The following NVL variants were observed in gnomAD, a reference collection of about 807,000 sequenced individuals.
The protein encoded by NVL is nuclear valosin-containing protein-like.
NVL carries 84 observed loss-of-function variants against 110.2 expected under a neutral mutation model. The ratio of observed to expected loss-of-function variants is 0.76; its 90% CI spans 0.64 to 0.91. NVL has a LOEUF of 0.91. NVL is among the 40% of genes least tolerant of loss of function. The pLI is 0.00. For missense variants in NVL, 882 were observed against 1,035.9 expected (o/e 0.85, Z 2.04); for synonymous variants, 354 against 361.1 (o/e 0.98, Z 0.22).
chr1:224,303,964 C>T (rs1668664546), intron 8 of NVL, 107 bp from the exon 9 acceptor site: 2 of 1,237,154 alleles, frequency 1.6e-6, no homozygotes, highest in East Asian at 2.7e-5. Flanking sequence ...GTAGAATATA[C>T]ACCTTAGACT....
chr1:224,326,391 CT>C lies in NVL; in HGVS notation c.130del (p.Ser44ValfsTer2). On this transcript the variant is annotated frameshift_variant and splice_region_variant, in exon 2 of 23. Coordinates refer to ENST00000281701, the MANE Select transcript of NVL (RefSeq NM_002533.4). LOFTEE classifies it high-confidence loss of function. ...VLASDLQRVY[S>X]IDYGRRKRNA... ...GGATCCGGAAACTATATTTATTTAC[CT>C]GTACACTCTTTGTAAATCAGACGCT... is the stretch of plus-strand genomic sequence containing the variant. 2 of 1,603,822 alleles carry C rather than the reference CT, an allele frequency of 1.2e-6. No individual in the cohort carries two copies. Among genetic ancestry groups the C allele is most frequent in the Non-Finnish European group, 1.7e-6 (2 of 1,172,718 alleles).
At chr1:224,251,201 G>T (rs1304301999) in intron 18 of NVL, among the ~76,000 whole-genome samples, 1 of 146,008 alleles carries the variant, frequency 6.8e-6, no homozygotes, top group Non-Finnish European at 1.5e-5. Context: ...TTGAGCCTGG[G>T]AGATGGAGGT....
intron 18 of NVL, 30 bp from the exon 19 acceptor site, chr1:224,250,348 A>T: frequency 6.6e-7 from 1 of 1,511,914 alleles, no homozygotes; most frequent in Non-Finnish European, 8.8e-7. Context: ...AAAAGTCTTA[A>T]ATAAAACCTT....
intron 18 of NVL, among the ~76,000 whole-genome samples, chr1:224,254,942 G>A (rs1005448941): frequency 1.4e-5 from 2 of 145,660 alleles, no homozygotes; most frequent in African/African-American, 5.1e-5. Flanking sequence ...GCATGACCTT[G>A]GCTCACTGAA....
intron 19 of NVL, among the ~76,000 whole-genome samples, chr1:224,249,001 G>A (rs1662168824): frequency 6.6e-6 from 1 of 152,160 alleles, no homozygotes; most frequent in South Asian, 2.1e-4. Context: ...ATCCCCAGAA[G>A]GATTAACACC....
intron 4 of NVL, among the ~76,000 whole-genome samples, chr1:224,317,224 T>G (rs886798365): frequency 1.3e-5 from 2 of 152,094 alleles, no homozygotes; most frequent in African/African-American, 4.8e-5. Flanking sequence ...ATACTATTTC[T>G]TAAACAAAAT....
At chr1:224,268,887 G>C (rs1358154380) in intron 17 of NVL, among the ~76,000 whole-genome samples, 3 of 151,892 alleles carry the variant, frequency 2.0e-5, no homozygotes, top group Non-Finnish European at 2.9e-5. Flanking sequence ...TCAAACTCCT[G>C]ACTTCAGGTG....
Position 224,324,732 on chromosome 1 carries a change from G to T in NVL, c.131+1659C>A, listed in dbSNP as rs921417873. Among the ~76,000 whole-genome samples, 14 of 152,286 alleles carry T rather than the reference G, an allele frequency of 9.2e-5. No individual in the cohort carries two copies. In the East Asian group the frequency reaches 2.5e-3, roughly 27 times the overall value. On this transcript the variant is annotated intron_variant, in intron 2 of 22. Transcript: ENST00000281701. ...GAGTCCTTGCATCTGGCCTGATTTA[G>T]ATGATATTGAGATGAGAGTTTGGAC...
chr1:224,289,756 A>C, intron 12 of NVL, 23 bp from the exon 13 acceptor site: 1 of 1,589,188 alleles, frequency 6.3e-7, no homozygotes, highest in Non-Finnish European at 8.6e-7. Context: ...CAGGGGAAAA[A>C]ATTTCTGATT....
At chr1:224,305,579 CAG>C (rs1429784479) in intron 6 of NVL, 19 of 161,006 alleles carry the variant, frequency 1.2e-4, no homozygotes, top group Middle Eastern at 3.2e-3. Flanking sequence ...TGTTTTGAGA[CAG>C]AGTTTCAGTC....
At chr1:224,273,417 G>T (rs996440846) in intron 17 of NVL, among the ~76,000 whole-genome samples, 2 of 114,186 alleles carry the variant, frequency 1.8e-5, no homozygotes, top group Non-Finnish European at 3.9e-5. Flanking sequence ...TCTCTCAAAA[G>T]AAAAAAAAAA....
At chr1:224,300,282 T>C (rs1668273029) in intron 10 of NVL, among the ~76,000 whole-genome samples, 1 of 152,124 alleles carries the variant, frequency 6.6e-6, no homozygotes, top group Non-Finnish European at 1.5e-5. Flanking sequence ...ATCATAAGGA[T>C]AATATATTTT....
chr1:224,290,455 G>C (rs188456126), intron 12 of NVL, among the ~76,000 whole-genome samples: 1 of 152,238 alleles, frequency 6.6e-6, no homozygotes, highest in East Asian at 1.9e-4. Flanking sequence ...TCAAGAGTTT[G>C]AGATTAGCCT....
chr1:224,328,388 C>T (rs781405581), intron 1 of NVL, among the ~76,000 whole-genome samples: 9 of 150,884 alleles, frequency 6.0e-5, no homozygotes, highest in Non-Finnish European at 8.8e-5. Flanking sequence ...GGCGTGATGG[C>T]ATGCACTTGT....
chr1:224,321,358 GAGGGCCATAGTTTGCC>G (rs1266819129), intron 2 of NVL, among the ~76,000 whole-genome samples: 1 of 152,210 alleles, frequency 6.6e-6, no homozygotes, highest in Non-Finnish European at 1.5e-5. Context: ...GAACTGGTTT[GAGGGCCATAGTTTGCC>G]AACACCTGGA....
rs762249340 is a variant in NVL at position 224,268,177 on chromosome 1, G to GA, written c.2083-45dup. 60 of 1,279,238 alleles carry GA rather than the reference G, an allele frequency of 4.7e-5. 1 individual carries two copies. In the South Asian group the frequency reaches 7.3e-4, roughly 15 times the overall value. The allele number at this position is 1,279,238 out of a possible 1,614,324, so 79.2% of individuals were successfully genotyped here. On this transcript the variant is annotated intron_variant, in intron 17 of 22. Coordinates refer to ENST00000281701, the MANE Select transcript of NVL (RefSeq NM_002533.4). ...GGTTCCATCAGCTCTCAATACAAAG[G>GA]AAAAATACCCATTTTCTTCCACATA...
At chr1:224,328,227 AT>A (rs1244161964) in intron 1 of NVL, among the ~76,000 whole-genome samples, 3 of 151,968 alleles carry the variant, frequency 2.0e-5, no homozygotes, top group African/African-American at 7.3e-5. Context: ...CCCTAGCCCG[AT>A]TTTTCCCTTT....
intron 15 of NVL, among the ~76,000 whole-genome samples, chr1:224,283,797 G>A (rs557155983): frequency 6.6e-6 from 1 of 152,296 alleles, no homozygotes; most frequent in Admixed American, 6.5e-5. Context: ...TGAAAAAATT[G>A]TAGATCAATG....
intron 19 of NVL, among the ~76,000 whole-genome samples, chr1:224,240,720 T>C (rs150881033): frequency 6.6e-6 from 1 of 151,920 alleles, no homozygotes; most frequent in African/African-American, 2.4e-5. Context: ...TCTTAGAAGA[T>C]TAAACCTTTA....
Sources: allele counts gnomAD v4.1 joint callset (sites outside exome capture counted in the v4.1 genomes callset), GRCh38; gene constraint gnomAD v4.1.1; transcripts MANE v1.5; gene names NCBI Gene and HGNC (gene_info 2026-07-23, HGNC 2026-07-21).